Variants in FUT9 observed in about 807,000 individuals in gnomAD.
The protein encoded by FUT9 is 4-galactosyl-N-acetylglucosaminide 3-alpha-L-fucosyltransferase 9.
A neutral mutation model predicts 29.7 loss-of-function variants in FUT9; 15 were observed. The observed-to-expected ratio is 0.51, with a 90% confidence interval of 0.34 to 0.78. The LOEUF (loss-of-function observed/expected upper bound fraction) is 0.78. Ranked by LOEUF, FUT9 falls within the 30% of genes least tolerant of loss-of-function variation. FUT9 has a pLI of 0.01. For synonymous variants in FUT9, 169 were observed against 153.7 expected (o/e 1.10, Z -0.74); for missense variants, 319 against 425.4 (o/e 0.75, Z 2.20).
intron 2 of FUT9, among the ~76,000 whole-genome samples, chr6:96,123,060 C>CAAAAAAAAAAAA (rs56330234): frequency 1.5e-5 from 1 of 64,970 alleles, no homozygotes; most frequent in African/African-American, 6.9e-5. Flanking sequence ...GACTCAGTCT[C>CAAAAAAAAAAAA]AAAAAAAAAA....
At chr6:96,055,509 A>T (rs908807679) in intron 1 of FUT9, among the ~76,000 whole-genome samples, 24 of 151,546 alleles carry the variant, frequency 1.6e-4, no homozygotes, top group African/African-American at 2.2e-4. Flanking sequence ...TTTAGATTTT[A>T]AAAAAATCTT....
At chr6:96,082,791 C>T (rs1204588074) in intron 1 of FUT9, among the ~76,000 whole-genome samples, 1 of 151,906 alleles carries the variant, frequency 6.6e-6, no homozygotes, top group Non-Finnish European at 1.5e-5. Context: ...TATACTTCTC[C>T]AACTCTAACT....
chr6:96,129,101 C>CAAA (rs34943333), intron 2 of FUT9, among the ~76,000 whole-genome samples: 3 of 134,522 alleles, frequency 2.2e-5, no homozygotes, highest in East Asian at 4.4e-4. Context: ...ACTAAAAATA[C>CAAA]AAAAAAAAAA....
At chr6:96,161,325 G>A (rs1290696289) in intron 2 of FUT9, among the ~76,000 whole-genome samples, 1 of 152,160 alleles carries the variant, frequency 6.6e-6, no homozygotes, top group Non-Finnish European at 1.5e-5. Flanking sequence ...GATACAGTTA[G>A]AAGATGTCCT....
At chr6:96,186,388 T>C (rs1038984913) in intron 2 of FUT9, among the ~76,000 whole-genome samples, 5 of 152,102 alleles carry the variant, frequency 3.3e-5, no homozygotes, top group African/African-American at 9.7e-5. Context: ...ATGCAGAAAC[T>C]GTTGTCATAG....
intron 2 of FUT9, among the ~76,000 whole-genome samples, chr6:96,180,967 C>A (rs1773296189): frequency 6.6e-6 from 1 of 151,226 alleles, no homozygotes; most frequent in Non-Finnish European, 1.5e-5. Flanking sequence ...GAAAAGAGAT[C>A]TTTACCTACT....
chr6:96,131,968 T>C (rs1270650602), intron 2 of FUT9, among the ~76,000 whole-genome samples: 2 of 152,118 alleles, frequency 1.3e-5, no homozygotes, highest in African/African-American at 4.8e-5. Flanking sequence ...ATAGTCTTCA[T>C]TTCTCATATG....
At chr6:96,198,045 A>G (rs1472587269) in intron 2 of FUT9, among the ~76,000 whole-genome samples, 1 of 150,930 alleles carries the variant, frequency 6.6e-6, no homozygotes, top group African/African-American at 2.4e-5. Context: ...GAGAATTACA[A>G]CTCTAATCTT....
intron 2 of FUT9, among the ~76,000 whole-genome samples, chr6:96,122,676 T>C (rs915955092): frequency 1.3e-5 from 2 of 152,168 alleles, no homozygotes; most frequent in Non-Finnish European, 2.9e-5. Context: ...ACTTGAGTTT[T>C]CATATATATA....
At chr6:96,142,772 G>A (rs1772488461) in intron 2 of FUT9, among the ~76,000 whole-genome samples, 1 of 152,022 alleles carries the variant, frequency 6.6e-6, no homozygotes, top group African/African-American at 2.4e-5. Context: ...TAAATTATAA[G>A]GAGTAGTATT....
intron 2 of FUT9, among the ~76,000 whole-genome samples, chr6:96,181,226 C>G (rs1163236362): frequency 6.6e-6 from 1 of 151,860 alleles, no homozygotes; most frequent in Non-Finnish European, 1.5e-5. Flanking sequence ...AAGACTGTGT[C>G]CAGTATCAAG....
chr6:96,120,323 T>C (rs1162617713), intron 2 of FUT9, among the ~76,000 whole-genome samples: 1 of 142,560 alleles, frequency 7.0e-6, no homozygotes, highest in African/African-American at 2.6e-5. Flanking sequence ...CAGACTGGAG[T>C]GCAGTGGTGC....
intron 2 of FUT9, among the ~76,000 whole-genome samples, chr6:96,157,174 T>C (rs1772801546): frequency 6.6e-6 from 1 of 152,220 alleles, no homozygotes; most frequent in Admixed American, 6.5e-5. Context: ...TTTCTTCTTA[T>C]ATTCTTTGAG....
At chr6:96,127,631 A>G (rs1358028646) in intron 2 of FUT9, among the ~76,000 whole-genome samples, 1 of 152,122 alleles carries the variant, frequency 6.6e-6, no homozygotes, top group Non-Finnish European at 1.5e-5. Flanking sequence ...ATAATGGCTG[A>G]ACTAATTTAC....
chr6:96,191,673 T>C (rs574096232), intron 2 of FUT9, among the ~76,000 whole-genome samples: 102 of 152,278 alleles, frequency 6.7e-4, no homozygotes, highest in African/African-American at 2.4e-3. Flanking sequence ...CTGGTACCAT[T>C]CCTTCTGCAA....
At chr6:96,159,546 A>G (rs1242998280) in intron 2 of FUT9, among the ~76,000 whole-genome samples, 1 of 152,116 alleles carries the variant, frequency 6.6e-6, no homozygotes, top group Non-Finnish European at 1.5e-5. Flanking sequence ...ATCTCCCCAA[A>G]TAAGCTTTCA....
intron 1 of FUT9, among the ~76,000 whole-genome samples, chr6:96,077,963 T>G (rs1323448974): frequency 1.3e-5 from 2 of 152,186 alleles, no homozygotes; most frequent in Non-Finnish European, 2.9e-5. Context: ...CTGCACACTG[T>G]AAGAGTTTCT....
intron 2 of FUT9, among the ~76,000 whole-genome samples, chr6:96,120,534 C>T (rs1359115185): frequency 1.5e-4 from 22 of 148,476 alleles, no homozygotes; most frequent in South Asian, 1.3e-3. Context: ...CCGCCCGCCT[C>T]GGCCTCCCAA....
At chr6:96,087,026 G>A (rs1252674271) in intron 1 of FUT9, among the ~76,000 whole-genome samples, 6 of 152,144 alleles carry the variant, frequency 3.9e-5, no homozygotes, top group Non-Finnish European at 8.8e-5. Flanking sequence ...TCAGCAAGGA[G>A]ACAAACGTTA....
Sources: gnomAD v4.1 joint callset for allele counts (sites outside exome capture counted in the v4.1 genomes callset) on GRCh38, gnomAD v4.1.1 for gene constraint, MANE v1.5 for transcripts, NCBI Gene and HGNC (gene_info 2026-07-23, HGNC 2026-07-21) for gene names.